SPIN1: variants seen among roughly 807,000 people sequenced by gnomAD.
SPIN1 encodes the protein spindlin 1, also known as spindlin-1.
In SPIN1, 3 loss-of-function variants were observed where a neutral mutation model predicts 26.0. That is an observed-to-expected ratio of 0.12 (90% CI 0.05 to 0.30). The LOEUF (loss-of-function observed/expected upper bound fraction) is 0.30. SPIN1 is among the 10% of genes least tolerant of loss of function. The pLI, the probability that SPIN1 is intolerant of heterozygous loss-of-function variation, is 1.00. For synonymous variants in SPIN1, 101 were observed against 116.5 expected, an observed-to-expected ratio of 0.87 and a Z score of 0.86; for missense variants, 126 against 333.4, an observed-to-expected ratio of 0.38 and a Z score of 4.84.
At chr9:88,406,509 G>T (rs1217731726) in intron 1 of SPIN1, among the ~76,000 whole-genome samples, 1 of 151,776 alleles carries the variant, frequency 6.6e-6, no homozygotes, top group Non-Finnish European at 1.5e-5. Flanking sequence ...AGCCAGCATG[G>T]TCTCCATCTT....
At chr9:88,454,331 T>G (rs1329264989) in intron 3 of SPIN1, among the ~76,000 whole-genome samples, 1 of 152,224 alleles carries the variant, frequency 6.6e-6, no homozygotes, top group Non-Finnish European at 1.5e-5. Flanking sequence ...TTTAAGTTGC[T>G]AATCACTTTT....
chr9:88,411,300 T>A, intron 1 of SPIN1: 1 of 1,337,936 alleles, frequency 7.5e-7, no homozygotes, highest in Non-Finnish European at 1.1e-6. Flanking sequence ...TCAAAGCCCC[T>A]GGAGCACTTG....
chr9:88,455,664 A>C lies in SPIN1; in HGVS notation c.101+6675A>C, dbSNP rs181653189. Reference sequence around the variant, plus strand: ...AAATTTTTCATGTCATATTTTTTACACTTGTGGGTTTTTAAAATAAAAAGT... The same window carrying C: ...AAATTTTTCATGTCATATTTTTTACCCTTGTGGGTTTTTAAAATAAAAAGT... On this transcript the variant is annotated intron_variant, in intron 3 of 5. Transcript: ENST00000375859. Among the ~76,000 whole-genome samples the C allele has an allele frequency of 3.8e-3, 581 of 152,288 alleles. 5 individuals carry two copies. The highest frequency in any genetic ancestry group is 0.013 in the African/African-American group (548 of 41,560).
chr9:88,455,175 T>C (rs1828446888), intron 3 of SPIN1, among the ~76,000 whole-genome samples: 1 of 152,230 alleles, frequency 6.6e-6, no homozygotes, highest in Non-Finnish European at 1.5e-5. Flanking sequence ...TAATTAAAAA[T>C]TGTGTTCTGC....
intron 1 of SPIN1, among the ~76,000 whole-genome samples, chr9:88,404,487 T>G (rs924652209): frequency 3.3e-5 from 5 of 151,852 alleles, no homozygotes; most frequent in African/African-American, 1.2e-4. Flanking sequence ...ATTTCTTGAC[T>G]CTTATAGTAC....
intron 3 of SPIN1, among the ~76,000 whole-genome samples, chr9:88,459,758 A>C (rs1024977261): frequency 4.6e-5 from 7 of 152,164 alleles, no homozygotes; most frequent in Non-Finnish European, 1.0e-4. Flanking sequence ...GATTATCTGA[A>C]GCTCATTGTC....
chr9:88,456,569 A>T (rs986059721), intron 3 of SPIN1, among the ~76,000 whole-genome samples: 1 of 152,248 alleles, frequency 6.6e-6, no homozygotes, highest in Non-Finnish European at 1.5e-5. Context: ...TGATTTAAAG[A>T]TACCTGTCAC....
At chr9:88,472,052 G>C (rs1587818647) in intron 5 of SPIN1, among the ~76,000 whole-genome samples, 1 of 152,094 alleles carries the variant, frequency 6.6e-6, no homozygotes, top group East Asian at 1.9e-4. Context: ...GCCCACCTCA[G>C]TCTTCCAAAG....
intron 2 of SPIN1, among the ~76,000 whole-genome samples, chr9:88,439,629 C>A (rs1188951475): frequency 6.6e-6 from 1 of 152,146 alleles, no homozygotes; most frequent in African/African-American, 2.4e-5. Flanking sequence ...ATAGTTCCAT[C>A]AGCTTTTTTT....
chr9:88,453,018 C>T (rs994626564), intron 3 of SPIN1, among the ~76,000 whole-genome samples: 3 of 152,156 alleles, frequency 2.0e-5, no homozygotes, highest in Middle Eastern at 3.2e-3. Flanking sequence ...TAAATGTTGG[C>T]TACCAAGATT....
chr9:88,419,661 GAAAT>G (rs1827635679), intron 1 of SPIN1, among the ~76,000 whole-genome samples: 1 of 152,124 alleles, frequency 6.6e-6, no homozygotes, highest in African/African-American at 2.4e-5. Context: ...AATTTGAACT[GAAAT>G]AAAAGTTCAA....
intron 1 of SPIN1, among the ~76,000 whole-genome samples, chr9:88,395,610 T>G (rs1047325854): frequency 6.6e-6 from 1 of 152,104 alleles, no homozygotes; most frequent in Admixed American, 6.6e-5. Context: ...ATTTTCTTTT[T>G]AAAACTTTTT....
chr9:88,430,658 C>G (rs962738528), intron 2 of SPIN1, among the ~76,000 whole-genome samples: 3 of 152,168 alleles, frequency 2.0e-5, no homozygotes, highest in African/African-American at 4.8e-5. Context: ...TTCTTTATCT[C>G]ATTCACATAT....
At chr9:88,399,311 C>T (rs189151383) in intron 1 of SPIN1, among the ~76,000 whole-genome samples, 20 of 152,226 alleles carry the variant, frequency 1.3e-4, no homozygotes, top group African/African-American at 3.9e-4. Context: ...GGATTACAGG[C>T]GTGAGCCACC....
At chr9:88,394,490 A>G (rs1587768543) in intron 1 of SPIN1, among the ~76,000 whole-genome samples, 2 of 152,340 alleles carry the variant, frequency 1.3e-5, no homozygotes, top group Non-Finnish European at 1.5e-5. Flanking sequence ...TTCGAATTTA[A>G]CATCACAGAG....
rs983056379 is a variant in SPIN1, at chr9:88,423,038, G to T, written c.-158-3344G>T. Among the ~76,000 whole-genome samples, 6 of 152,244 alleles carry T rather than the reference G, an allele frequency of 3.9e-5. No homozygotes were observed. In the South Asian group the frequency reaches 1.0e-3, roughly 26 times the overall value. On this transcript the variant is annotated intron_variant, in intron 1 of 5. Transcript: ENST00000375859. ...GAAGGACTCTTATCTGGAGTTTTGC[G>T]TTCTAATATTATTCAAATAGCCACC...
intron 2 of SPIN1, among the ~76,000 whole-genome samples, chr9:88,440,341 TAGAGAC>T (rs1285696509): frequency 6.6e-6 from 1 of 152,028 alleles, no homozygotes; most frequent in Non-Finnish European, 1.5e-5. Context: ...TTTTTAAAAA[TAGAGAC>T]AGAGTTTCAC....
intron 2 of SPIN1, among the ~76,000 whole-genome samples, chr9:88,436,211 A>G (rs766208345): frequency 3.9e-5 from 6 of 152,206 alleles, no homozygotes; most frequent in Non-Finnish European, 7.3e-5. Flanking sequence ...CTGGGACTAC[A>G]GGTGTGCTCC....
intron 1 of SPIN1, chr9:88,415,588 A>G (rs1028305036): frequency 1.3e-5 from 2 of 151,412 alleles, no homozygotes; most frequent in African/African-American, 4.9e-5. Flanking sequence ...GCTAATTTTT[A>G]TTTTTTATTT....
Sources: gnomAD v4.1 joint callset for allele counts (sites outside exome capture counted in the v4.1 genomes callset) on GRCh38, gnomAD v4.1.1 for gene constraint, MANE v1.5 for transcripts, NCBI Gene and HGNC (gene_info 2026-07-23, HGNC 2026-07-21) for gene names.